MAGI2: variants seen among roughly 807,000 people sequenced by gnomAD.
MAGI2 encodes the protein membrane associated guanylate kinase, WW and PDZ domain containing 2.
MAGI2 carries 35 observed loss-of-function variants against 133.3 expected under a neutral mutation model. That is an observed-to-expected ratio of 0.26 (90% CI 0.20 to 0.35). The LOEUF (loss-of-function observed/expected upper bound fraction) is 0.35, where lower values mean the gene tolerates loss of function less well. Among genes scored for constraint, MAGI2 ranks in the 10% least tolerant of loss-of-function variants. The pLI, the probability that MAGI2 is intolerant of heterozygous loss-of-function variation, is 1.00. For missense variants in MAGI2, 1,636 were observed against 1,863.4 expected (o/e 0.88, Z 2.25); for synonymous variants, 729 against 710.6 (o/e 1.03, Z -0.41).
At chr7:78,575,385 A>G (rs932972999) in intron 3 of MAGI2, among the ~76,000 whole-genome samples, 6 of 152,206 alleles carry the variant, frequency 3.9e-5, no homozygotes, top group African/African-American at 1.4e-4. Flanking sequence ...TCTCCCGTAT[A>G]GAAGAATTCT....
chr7:79,010,078 C>T (rs1193645789), intron 1 of MAGI2, among the ~76,000 whole-genome samples: 4 of 151,744 alleles, frequency 2.6e-5, no homozygotes, highest in Non-Finnish European at 1.5e-5. Flanking sequence ...TGTATATATA[C>T]ACATATATTT....
chr7:78,868,797 A>C (rs919933602), intron 2 of MAGI2, among the ~76,000 whole-genome samples: 2 of 152,044 alleles, frequency 1.3e-5, no homozygotes, highest in Non-Finnish European at 2.9e-5. Flanking sequence ...TCTGTCGCCC[A>C]GGCTGGAGTG....
chr7:78,820,747 C>T (rs962945647), intron 2 of MAGI2, among the ~76,000 whole-genome samples: 2 of 151,746 alleles, frequency 1.3e-5, no homozygotes, highest in Admixed American at 1.3e-4. Context: ...AGGTCAAAGT[C>T]AAAGAAATAT....
At chr7:79,133,806 G>A (rs1007545454) in intron 1 of MAGI2, among the ~76,000 whole-genome samples, 7 of 152,098 alleles carry the variant, frequency 4.6e-5, no homozygotes, top group South Asian at 2.1e-4. Context: ...CAAGATACCC[G>A]CTCAAAGTGA....
intron 9 of MAGI2, among the ~76,000 whole-genome samples, chr7:78,337,833 A>G (rs1440642987): frequency 6.6e-6 from 1 of 152,186 alleles, no homozygotes; most frequent in Non-Finnish European, 1.5e-5. Context: ...ATACTGTAAA[A>G]GAGGAATTCA....
intron 5 of MAGI2, among the ~76,000 whole-genome samples, chr7:78,492,018 C>T (rs1793668237): frequency 4.0e-5 from 6 of 151,640 alleles, no homozygotes; most frequent in Admixed American, 4.0e-4. Flanking sequence ...CTTCCAAATC[C>T]TTTCCTCTTT....
chr7:79,417,739 C>T (rs1846633720), intron 1 of MAGI2, among the ~76,000 whole-genome samples: 1 of 143,700 alleles, frequency 7.0e-6, no homozygotes, highest in African/African-American at 2.8e-5. Flanking sequence ...TTGAATATGT[C>T]CACATATGCA....
At chr7:79,310,794 T>C (rs564644179) in intron 1 of MAGI2, among the ~76,000 whole-genome samples, 13 of 152,244 alleles carry the variant, frequency 8.5e-5, no homozygotes, top group African/African-American at 3.1e-4. Context: ...GACCAATCAC[T>C]TCAACTGACC....
intron 5 of MAGI2, among the ~76,000 whole-genome samples, chr7:78,491,871 T>TTGTGTGTGTGTGTGTGTG (rs10598552): frequency 7.1e-6 from 1 of 141,108 alleles, no homozygotes; most frequent in African/African-American, 2.6e-5. Context: ...TCCGTTCAAA[T>TTGTGTGTGTGTGTGTGTG]TGTGTGTGTG....
intron 2 of MAGI2, among the ~76,000 whole-genome samples, chr7:78,832,294 A>G (rs1402309995): frequency 1.3e-5 from 2 of 151,388 alleles, no homozygotes; most frequent in Admixed American, 1.3e-4. Context: ...TTTTTTTTTC[A>G]TTTTGTATTC....
intron 6 of MAGI2, among the ~76,000 whole-genome samples, chr7:78,468,144 A>C (rs1210036166): frequency 1.3e-5 from 2 of 152,200 alleles, no homozygotes; most frequent in Non-Finnish European, 2.9e-5. Context: ...ATTTGCAGAG[A>C]CTAATTTTCT....
intron 2 of MAGI2, among the ~76,000 whole-genome samples, chr7:78,705,524 T>C (rs1464381173): frequency 6.6e-6 from 1 of 152,134 alleles, no homozygotes; most frequent in Non-Finnish European, 1.5e-5. Context: ...AGATAACCAC[T>C]GATTTTCTCC....
At chr7:79,378,926 G>GTGTGTGTATATA (rs1158436636) in intron 1 of MAGI2, among the ~76,000 whole-genome samples, 1 of 94,602 alleles carries the variant, frequency 1.1e-5, no homozygotes, top group African/African-American at 3.6e-5. Context: ...ATGTGTGTGT[G>GTGTGTGTATATA]TATATATATA....
intron 7 of MAGI2, among the ~76,000 whole-genome samples, chr7:78,357,357 T>A (rs1397832027): frequency 6.6e-6 from 1 of 152,186 alleles, no homozygotes. Flanking sequence ...CTATTAATAT[T>A]TTTTTCTCTG....
intron 6 of MAGI2, among the ~76,000 whole-genome samples, chr7:78,425,308 A>G (rs1257429229): frequency 6.6e-6 from 1 of 152,124 alleles, no homozygotes; most frequent in Non-Finnish European, 1.5e-5. Flanking sequence ...CGTGATTGTG[A>G]GGCTTCCTCA....
At chr7:78,181,696 AAATTTAGAAGTCTT>A (rs1182638387) in intron 13 of MAGI2, among the ~76,000 whole-genome samples, 1 of 152,238 alleles carries the variant, frequency 6.6e-6, no homozygotes, top group African/African-American at 2.4e-5. Context: ...TACTGAAATG[AAATTTAGAAGTCTT>A]AATTTATTCT....
At chr7:79,220,227 G>A (rs1438246881) in intron 1 of MAGI2, among the ~76,000 whole-genome samples, 1 of 151,942 alleles carries the variant, frequency 6.6e-6, no homozygotes, top group African/African-American at 2.4e-5. Flanking sequence ...GGGGAAGCAG[G>A]GAGGTGGGTG....
intron 1 of MAGI2, among the ~76,000 whole-genome samples, chr7:79,343,923 T>C (rs556143320): frequency 2.6e-4 from 39 of 152,172 alleles, no homozygotes; most frequent in Non-Finnish European, 4.6e-4. Context: ...TCATGCCCGA[T>C]TAACTTTACA....
chr7:78,433,402 T>C (rs1203253418), intron 6 of MAGI2, among the ~76,000 whole-genome samples: 1 of 152,088 alleles, frequency 6.6e-6, no homozygotes, highest in Non-Finnish European at 1.5e-5. Flanking sequence ...TCATTGTTCA[T>C]CTTATCTATA....
Sources: gnomAD v4.1 joint callset for allele counts (sites outside exome capture counted in the v4.1 genomes callset) on GRCh38, gnomAD v4.1.1 for gene constraint, MANE v1.5 for transcripts, NCBI Gene and HGNC (gene_info 2026-07-23, HGNC 2026-07-21) for gene names.